The following DOCK5 variants were observed in gnomAD, a reference collection of about 807,000 sequenced individuals.
The protein encoded by DOCK5 is dedicator of cytokinesis protein 5.
DOCK5 carries 142 observed loss-of-function variants against 251.8 expected under a neutral mutation model. The ratio of observed to expected loss-of-function variants is 0.56; its 90% CI spans 0.49 to 0.65. The LOEUF is 0.65. DOCK5 is among the 30% of genes least tolerant of loss of function. The pLI is 0.00. For missense variants in DOCK5, 2,111 were observed against 2,312.3 expected (o/e 0.91, Z 1.79); for synonymous variants, 842 against 835.5 (o/e 1.01, Z -0.13).
chr8:25,345,325 TC>T (rs1217533849), intron 25 of DOCK5, 149 bp from the exon 26 acceptor site: 1 of 959,906 alleles, frequency 1.0e-6, no homozygotes. Flanking sequence ...AACCAGGTGT[TC>T]CTGGGTGGCC....
rs974900809 is a variant in DOCK5 at position 25,346,610 on chromosome 8, G to A, written c.2754+999G>A. Among the ~76,000 whole-genome samples the A allele has an allele frequency of 5.1e-5, 5 of 98,108 alleles. 1 individual carries two copies. Among genetic ancestry groups the A allele is most frequent in the Non-Finnish European group, 8.6e-5 (4 of 46,782 alleles). The allele number at this position is 98,108 out of a possible 152,430, so 64.4% of individuals were successfully genotyped here. On this transcript the variant is annotated intron_variant, in intron 26 of 51. Coordinates refer to ENST00000276440, the MANE Select transcript of DOCK5 (RefSeq NM_024940.8). Reference sequence around the variant, plus strand: ...GGAGGCCGAGGTGGATGGATCACGAGGTCAGGAGATCGAGACCATCCTGGC... The same window carrying A: ...GGAGGCCGAGGTGGATGGATCACGAAGTCAGGAGATCGAGACCATCCTGGC...
chr8:25,302,504 A>T, intron 10 of DOCK5, 50 bp downstream of exon 10: 1 of 1,447,568 alleles, frequency 6.9e-7, no homozygotes, highest in Non-Finnish European at 9.2e-7. Flanking sequence ...TGCTGTGGAA[A>T]ATAGCATGGC....
chr8:25,394,292 A>G (rs1052147525), intron 44 of DOCK5, among the ~76,000 whole-genome samples: 10 of 152,196 alleles, frequency 6.6e-5, no homozygotes, highest in Non-Finnish European at 1.5e-4. Flanking sequence ...GACTTTTGGA[A>G]TCAAGTCTGG....
chr8:25,405,945 G>GTTTATTT (rs1225055167), intron 48 of DOCK5, among the ~76,000 whole-genome samples: 1 of 152,050 alleles, frequency 6.6e-6, no homozygotes, highest in African/African-American at 2.4e-5. Flanking sequence ...AAAAAAGTAT[G>GTTTATTT]TTTATTTTTT....
rs768635101 is a variant in DOCK5, at chr8:25,304,293, G to A, written c.1015G>A (p.Asp339Asn). ...ITDIIHGKVD[D>N]EEKQHFIPFQ... ...TGATATCATACATGGGAAGGTGGATGATGAAGAAAAGCAGCATTTTATTCC... is the reference window on the plus strand; with the variant it reads ...TGATATCATACATGGGAAGGTGGATAATGAAGAAAAGCAGCATTTTATTCC... The change falls in exon 11 of 52, where the codon GAT (aspartate) becomes AAT (asparagine). Residue 339 changes from aspartate to asparagine, a missense_variant. Transcript: ENST00000276440. 12 of 1,610,846 alleles carry A rather than the reference G, an allele frequency of 7.4e-6. No individual in the cohort carries two copies. The highest frequency in any genetic ancestry group is 6.8e-6 in the Non-Finnish European group (8 of 1,178,702).
At chr8:25,310,711 G>A (rs1399928432) in intron 13 of DOCK5, among the ~76,000 whole-genome samples, 179 bp downstream of exon 13, 1 of 152,114 alleles carries the variant, frequency 6.6e-6, no homozygotes, top group African/African-American at 2.4e-5. Flanking sequence ...TTCCTAATTT[G>A]TCATTATTAC....
Position 25,367,037 on chromosome 8 carries a change from T to G in DOCK5, c.3224+67T>G. ...CCATTTGTTTACATTGAGAGCAATA[T>G]TTTAGGTATCACAGAAATTACTATT... On this transcript the variant is annotated intron_variant, in intron 31 of 51. Coordinates refer to ENST00000276440, the MANE Select transcript of DOCK5 (RefSeq NM_024940.8). 5.8e-6 allele frequency: 8 copies of G among 1,375,720 alleles called. No homozygotes were observed. In the South Asian group the frequency reaches 8.5e-5, roughly 15 times the overall value. 85.2% of individuals were successfully genotyped at this position (1,375,720 alleles called of 1,614,324 possible).
At chr8:25,213,596 G>T (rs1394506700) in intron 1 of DOCK5, among the ~76,000 whole-genome samples, 1 of 152,058 alleles carries the variant, frequency 6.6e-6, no homozygotes, top group African/African-American at 2.4e-5. Context: ...CTACATCAGG[G>T]TTTAATTAGC....
chr8:25,411,133 G>A (rs1801625092), intron 51 of DOCK5, 61 bp from the exon 52 acceptor site: 3 of 1,440,606 alleles, frequency 2.1e-6, no homozygotes, highest in Non-Finnish European at 2.8e-6. Context: ...AATAGGAGGA[G>A]AAGGCAGAAT....
chr8:25,301,119 C>T (rs1804749094), intron 9 of DOCK5, among the ~76,000 whole-genome samples: 1 of 152,162 alleles, frequency 6.6e-6, no homozygotes, highest in Non-Finnish European at 1.5e-5. Context: ...GAGAAGCGTG[C>T]TCCCTTTAAG....
At chr8:25,251,145 C>CT (rs1166041495) in intron 2 of DOCK5, among the ~76,000 whole-genome samples, 1 of 152,106 alleles carries the variant, frequency 6.6e-6, no homozygotes, top group East Asian at 1.9e-4. Flanking sequence ...TCGATTAACT[C>CT]TTTTTCTGCT....
intron 2 of DOCK5, among the ~76,000 whole-genome samples, chr8:25,252,023 G>T (rs1009138800): frequency 6.0e-5 from 9 of 151,110 alleles, no homozygotes; most frequent in African/African-American, 1.9e-4. Context: ...GCTTTTAAAA[G>T]ATTTTTTTCA....
In DOCK5 at chr8:25,319,679, G is replaced by A. The variant is rs1805366995; in HGVS notation, c.1542+3G>A. Reference sequence around the variant, plus strand: ...CCTGTTGGTATGAGACTGTCAAGGTGAGAATGAGTCATTTGTAACCCCTGT... The same window carrying A: ...CCTGTTGGTATGAGACTGTCAAGGTAAGAATGAGTCATTTGTAACCCCTGT... On this transcript the variant is annotated splice_donor_region_variant and intron_variant, in intron 15 of 51. Coordinates refer to ENST00000276440, the MANE Select transcript of DOCK5 (RefSeq NM_024940.8). The A allele has an allele frequency of 1.9e-6, 3 of 1,567,990 alleles. No homozygotes were observed. The highest frequency in any genetic ancestry group is 1.4e-5 in the African/African-American group (1 of 74,016).
At chr8:25,339,352 A>G (rs1051610006) in intron 22 of DOCK5, among the ~76,000 whole-genome samples, 2 of 152,194 alleles carry the variant, frequency 1.3e-5, no homozygotes, top group Admixed American at 6.5e-5. Flanking sequence ...AAAAAAATCA[A>G]GTCACATACG....
intron 1 of DOCK5, among the ~76,000 whole-genome samples, chr8:25,232,987 A>G (rs1008265205): frequency 1.3e-5 from 2 of 151,978 alleles, no homozygotes; most frequent in Non-Finnish European, 2.9e-5. Flanking sequence ...TGCACTGACC[A>G]GTACTCAGCT....
chr8:25,413,480 G>C lies in DOCK5; in HGVS notation c.*2182G>C, dbSNP rs1801664349. 1 of 152,150 alleles carries C rather than the reference G, an allele frequency of 6.6e-6. No homozygotes were observed. The highest frequency in any genetic ancestry group is 1.5e-5 in the Non-Finnish European group (1 of 68,040). The allele number at this position is 152,150 out of a possible 1,614,324, so 9.4% of individuals were successfully genotyped here. The stretch of plus-strand genomic sequence containing the variant: ...GGAGGCAACAGACAGGATATGTAGG[G>C]GCTTACCTAGAGCCTGGCACGACTT... On this transcript the variant is annotated 3_prime_UTR_variant, in exon 52 of 52. Transcript: ENST00000276440.
intron 1 of DOCK5, among the ~76,000 whole-genome samples, chr8:25,237,525 T>C (rs1392863057): frequency 6.6e-6 from 1 of 152,222 alleles, no homozygotes; most frequent in Admixed American, 6.5e-5. Flanking sequence ...TCTTCTCTCA[T>C]GTAAGCCTGG....
At chr8:25,355,119 A>C (rs1800544656) in intron 27 of DOCK5, among the ~76,000 whole-genome samples, 1 of 152,206 alleles carries the variant, frequency 6.6e-6, no homozygotes, top group Non-Finnish European at 1.5e-5. Context: ...CTGTAGCCCC[A>C]GCTGCTTAGG....
At position 25,184,966 on chromosome 8, in the gene DOCK5, C is replaced by T. The variant is rs764477269; in HGVS notation, c.43+15C>T. On this transcript the variant is annotated intron_variant, in intron 1 of 51. Transcript: ENST00000276440. ...GTACGGGGTTGGTGAGTGCGCGCCC[C>T]ACCTTGTCCCGGCCCGACCCACGCG... is the stretch of plus-strand genomic sequence containing the variant. 2 of 1,389,002 alleles carry T rather than the reference C, an allele frequency of 1.4e-6. No homozygotes were observed. Among genetic ancestry groups the T allele is most frequent in the African/African-American group, 1.5e-5 (1 of 67,766 alleles). The allele number at this position is 1,389,002 out of a possible 1,614,324, so 86.0% of individuals were successfully genotyped here.
Sources: allele counts gnomAD v4.1 joint callset (sites outside exome capture counted in the v4.1 genomes callset), GRCh38; gene constraint gnomAD v4.1.1; transcripts MANE v1.5; gene names NCBI Gene and HGNC (gene_info 2026-07-23, HGNC 2026-07-21).